The following LSP1 variants were observed in gnomAD, a reference collection of about 807,000 sequenced individuals.
The protein encoded by LSP1 is lymphocyte specific protein 1, also known as lymphocyte-specific protein 1.
A neutral mutation model predicts 49.3 loss-of-function variants in LSP1; 32 were observed. The ratio of observed to expected loss-of-function variants is 0.65; its 90% CI spans 0.49 to 0.87. The LOEUF is 0.87. Among genes scored for constraint, LSP1 ranks in the 40% least tolerant of loss-of-function variants. The probability of loss-of-function intolerance (pLI) is 0.00; values close to 1 mark genes in which losing one functional copy is unlikely to be tolerated. For missense variants in LSP1, 428 were observed against 442.6 expected (o/e 0.97, Z 0.30); for synonymous variants, 179 against 178.8 (o/e 1.00, Z -0.01).
intron 1 of LSP1, among the ~76,000 whole-genome samples, chr11:1,865,595 C>T (rs1439905268): frequency 5.5e-5 from 8 of 144,300 alleles, no homozygotes; most frequent in Non-Finnish European, 1.2e-4. Context: ...CCTGCACCGC[C>T]GGCTGCACTG....
At chr11:1,889,528 G>C in intron 10 of LSP1, 1 of 615,402 alleles carries the variant, frequency 1.6e-6, no homozygotes, top group Non-Finnish European at 3.0e-6. Flanking sequence ...GGAGGCTCTG[G>C]GGCCTCCTCC....
chr11:1,884,329 T>A lies in LSP1; in HGVS notation c.635+6T>A. ...AACCGCTCCATAGAGAAGAGGTCTGTCTGTCTGTCTGTCTGCTTTCTGGGC... is the reference window on the plus strand; with the variant it reads ...AACCGCTCCATAGAGAAGAGGTCTGACTGTCTGTCTGTCTGCTTTCTGGGC... On this transcript the variant is annotated splice_donor_region_variant and intron_variant, in intron 6 of 10. Coordinates refer to ENST00000311604, the MANE Select transcript of LSP1 (RefSeq NM_002339.3). This position sits in a 1 kb window ranked among gnomAD's most constrained non-coding sequence, Gnocchi z 4.1. 1 of 1,614,046 alleles carries A rather than the reference T, an allele frequency of 6.2e-7. No homozygotes were observed. Among genetic ancestry groups the A allele is most frequent in the Non-Finnish European group, 8.5e-7 (1 of 1,179,980 alleles).
chr11:1,871,428 C>A, intron 1 of LSP1: 1 of 986,376 alleles, frequency 1.0e-6, no homozygotes, highest in Non-Finnish European at 1.2e-6. Flanking sequence ...GCACCCAGCG[C>A]AAGGGAGGTG....
chr11:1,884,651 G>A lies in LSP1; in HGVS notation c.717+70G>A, dbSNP rs1336679228. ...GGCACCATTCCTTCATCCAACCAACGCCCTTCCATCCAATCAGTGCCGCCT... is the reference window on the plus strand; with the variant it reads ...GGCACCATTCCTTCATCCAACCAACACCCTTCCATCCAATCAGTGCCGCCT... On this transcript the variant is annotated intron_variant, in intron 7 of 10. Coordinates refer to ENST00000311604, the MANE Select transcript of LSP1 (RefSeq NM_002339.3). The surrounding 1 kb of genome is among the most constrained non-coding windows in gnomAD (Gnocchi z 4.1). The A allele has an allele frequency of 6.7e-6, 9 of 1,350,412 alleles. No homozygotes were observed. The highest frequency in any genetic ancestry group is 4.6e-5 in the East Asian group (2 of 43,170). 83.7% of individuals were successfully genotyped at this position (1,350,412 alleles called of 1,614,324 possible). A position where few individuals can be genotyped will look rare whatever the true frequency, so the allele number is the denominator to read the frequency against.
intron 4 of LSP1, 150 bp from the exon 5 acceptor site, chr11:1,883,782 C>A (rs2133123401): frequency 4.5e-6 from 4 of 886,438 alleles, no homozygotes; most frequent in African/African-American, 1.7e-5. Context: ...ACTCCTCAGT[C>A]CCTCCCCACC....
chr11:1,870,247 C>A (rs535289754), intron 1 of LSP1: 5 of 1,298,972 alleles, frequency 3.8e-6, no homozygotes, highest in Admixed American at 2.3e-5. Context: ...GTCCTTCATA[C>A]CCCATTTTGC....
chr11:1,886,884 G>A lies in LSP1; in HGVS notation c.852+18G>A, dbSNP rs1366230386. 1 of 1,601,690 alleles carries A rather than the reference G, an allele frequency of 6.2e-7. No homozygotes were observed. The highest frequency in any genetic ancestry group is 1.3e-5 in the African/African-American group (1 of 74,562). On this transcript the variant is annotated intron_variant, in intron 8 of 10. Coordinates refer to ENST00000311604, the MANE Select transcript of LSP1 (RefSeq NM_002339.3). ...CCTGCAAGGTAAGGTCCCCTCCAGG[G>A]GCAAGGCTGGGCTGCAGAGCCAGCG...
At chr11:1,890,687 G>A (rs1848964409) in intron 10 of LSP1, 1 of 623,956 alleles carries the variant, frequency 1.6e-6, no homozygotes, top group African/African-American at 1.8e-5. Flanking sequence ...CTGGGGCCAG[G>A]GGTGTGGAGG....
chr11:1,868,720 A>C (rs940244764), intron 1 of LSP1: 3 of 985,634 alleles, frequency 3.0e-6, no homozygotes, highest in East Asian at 1.1e-4. Flanking sequence ...CCAGAAGCCC[A>C]GGCGAGCCAG....
chr11:1,869,690 G>T (rs1847913245), intron 1 of LSP1: 1 of 470,820 alleles, frequency 2.1e-6, no homozygotes, highest in African/African-American at 2.0e-5. Flanking sequence ...GAAGATCAAA[G>T]AAGCGAGAAA....
At chr11:1,888,307 C>A (rs1208946204) in intron 10 of LSP1, among the ~76,000 whole-genome samples, 3 of 152,208 alleles carry the variant, frequency 2.0e-5, no homozygotes, top group Admixed American at 1.3e-4. Flanking sequence ...CCACTCTCCC[C>A]ACCAGGGCCA....
chr11:1,879,277 G>A (rs1279516777), intron 1 of LSP1, among the ~76,000 whole-genome samples: 8 of 152,144 alleles, frequency 5.3e-5, no homozygotes, highest in African/African-American at 1.7e-4. Flanking sequence ...CCCAGGAGGC[G>A]GAGGTTGTGG....
chr11:1,881,374 G>T, intron 2 of LSP1, 58 bp from the exon 3 acceptor site: 1 of 1,491,278 alleles, frequency 6.7e-7, no homozygotes, highest in Non-Finnish European at 9.0e-7. Context: ...GTGAGTGTGG[G>T]CCCTGGGCAG....
chr11:1,865,578 C>CTCTCCCCAA (rs1847763387), intron 1 of LSP1, among the ~76,000 whole-genome samples: 1 of 145,872 alleles, frequency 6.9e-6, no homozygotes, highest in African/African-American at 2.6e-5. Flanking sequence ...CCGCTCACAC[C>CTCTCCCCAA]GTCCCACCTG....
At chr11:1,853,380 AC>A (rs1026327163) in intron 1 of LSP1, among the ~76,000 whole-genome samples, 183 bp downstream of exon 1, 2 of 151,550 alleles carry the variant, frequency 1.3e-5, no homozygotes. Context: ...TCTTGCTGGG[AC>A]CCCCCTCTCA....
chr11:1,853,150 G>A lies in LSP1; in HGVS notation c.6G>A (p.Ala2=), dbSNP rs199891763. The change falls in exon 1 of 11, where the codon GCG becomes GCA. Residue 2 remains alanine (A), a synonymous_variant. Coordinates refer to ENST00000311604, the MANE Select transcript of LSP1 (RefSeq NM_002339.3). The stretch of plus-strand genomic sequence containing the variant: ...GGGGCCCAGACTACAGGCTGATGGC[G>A]GAGGCTTCGAGTGACCCGGGTGCCG... M[A]EASSDPGAEE... 1.6e-5 allele frequency: 26 copies of A among 1,610,952 alleles called. No homozygotes were observed. The African/African-American group carries it at 2.0e-4, about 12-fold the overall frequency.
chr11:1,883,169 C>T (rs74047632), intron 3 of LSP1, among the ~76,000 whole-genome samples: 11,784 of 152,266 alleles, frequency 0.077, 653 homozygotes, highest in African/African-American at 0.15. Flanking sequence ...GTCTGTAGAG[C>T]CCTGTCTGGC....
At chr11:1,859,105 G>GGT (rs1241615955) in intron 1 of LSP1, among the ~76,000 whole-genome samples, 1 of 152,182 alleles carries the variant, frequency 6.6e-6, no homozygotes, top group Non-Finnish European at 1.5e-5. Context: ...GGGCCGCTCT[G>GGT]GTGGGGCATT....
chr11:1,876,138 C>T (rs909826673), intron 1 of LSP1, among the ~76,000 whole-genome samples: 3 of 152,208 alleles, frequency 2.0e-5, no homozygotes, highest in Non-Finnish European at 4.4e-5. Context: ...GGGCGGCTGG[C>T]GGGGAGCGGG....
Sources: gnomAD v4.1 joint callset for allele counts (sites outside exome capture counted in the v4.1 genomes callset) on GRCh38, gnomAD v4.1.1 for gene constraint, Gnocchi (gnomAD v3.1) non-coding constraint, MANE v1.5 for transcripts, NCBI Gene and HGNC (gene_info 2026-07-23, HGNC 2026-07-21) for gene names.